The following ZNF485 variants were observed in gnomAD, a reference collection of about 807,000 sequenced individuals.
ZNF485 encodes zinc finger protein 485, also known as Zinc finger protein 93 (Zinc finger protein HTF34).
In ZNF485, 9 loss-of-function variants were observed where a neutral mutation model predicts 10.8. That is an observed-to-expected ratio of 0.83 (90% CI 0.50 to 1.45). ZNF485 has a LOEUF of 1.45. Among genes scored for constraint, ZNF485 ranks in the 40% most tolerant of loss-of-function variants. The probability of loss-of-function intolerance (pLI) is 0.00; values close to 1 mark genes in which losing one functional copy is unlikely to be tolerated. For synonymous variants in ZNF485, 187 were observed against 181.0 expected, an observed-to-expected ratio of 1.03 and a Z score of -0.27; for missense variants, 487 against 528.0, an observed-to-expected ratio of 0.92 and a Z score of 0.76.
intron 2 of ZNF485, 127 bp downstream of exon 2, chr10:43,607,201 C>G: frequency 1.9e-6 from 2 of 1,069,584 alleles, no homozygotes; most frequent in East Asian, 2.6e-5. Context: ...TGGATGGGTC[C>G]CGCGATTTCC....
rs745713092 is a variant in ZNF485 at position 43,616,567 on chromosome 10, A to G, written c.524A>G (p.Asn175Ser). The G allele has an allele frequency of 6.2e-7, 1 of 1,614,252 alleles. No individual in the cohort carries two copies. The highest frequency in any genetic ancestry group is 1.1e-5 in the South Asian group (1 of 91,084). ...IAFMNSSSLL[N>S]HHKVHAGKQP... ...TTTATGAACAGTTCATCCCTTTTAA[A>G]TCACCATAAGGTTCATGCAGGCAAA... Residue 175 changes from asparagine to serine, a missense_variant, in exon 5 of 5, where the codon AAT (asparagine) becomes AGT (serine). Physicochemically the swap from Asn to Ser is conservative, Grantham distance 46. Coordinates refer to ENST00000361807, the MANE Select transcript of ZNF485 (RefSeq NM_145312.4).
At chr10:43,612,510 G>A (rs1838785475) in intron 4 of ZNF485, among the ~76,000 whole-genome samples, 1 of 152,132 alleles carries the variant, frequency 6.6e-6, no homozygotes, top group African/African-American at 2.4e-5. Context: ...GGGAGGAATT[G>A]GGGGTACTTT....
chr10:43,617,119 G>C lies in ZNF485; in HGVS notation c.1076G>C (p.Cys359Ser). 6.2e-7 allele frequency: 1 copy of C among 1,614,216 alleles called. No individual in the cohort carries two copies. Among genetic ancestry groups the C allele is most frequent in the Non-Finnish European group, 8.5e-7 (1 of 1,180,034 alleles). Reference sequence around the variant, plus strand: ...AATAAACCGTATCAGTGTCGTGACTGTGGGAAGGCCTTTACAAAGAGCTCA... The same window carrying C: ...AATAAACCGTATCAGTGTCGTGACTCTGGGAAGGCCTTTACAAAGAGCTCA... Reference protein sequence around the residue: ...SGNKPYQCRDCGKAFTKSSTL... With the variant: ...SGNKPYQCRDSGKAFTKSSTL... The change falls in exon 5 of 5, where the codon TGT becomes TCT. Residue 359 changes from cysteine (C) to serine (S), a missense_variant. Transcript: ENST00000361807.
intron 3 of ZNF485, among the ~76,000 whole-genome samples, 181 bp downstream of exon 3, chr10:43,608,921 C>G (rs757081238): frequency 1.3e-5 from 2 of 152,158 alleles, no homozygotes; most frequent in Non-Finnish European, 2.9e-5. Flanking sequence ...AAGGTCAGAG[C>G]CATACAGAGT....
Position 43,607,083 on chromosome 10 carries a change from G to C in ZNF485, c.24+9G>C. On this transcript the variant is annotated intron_variant, in intron 2 of 4. Coordinates refer to ENST00000361807, the MANE Select transcript of ZNF485 (RefSeq NM_145312.4). Reference sequence around the variant, plus strand: ...CAAGAGCCCAGATCCAGGCAAGTTTGATTTTTCCATTTCTTGAGAAACCAC... The same window carrying C: ...CAAGAGCCCAGATCCAGGCAAGTTTCATTTTTCCATTTCTTGAGAAACCAC... 1 of 1,551,496 alleles carries C rather than the reference G, an allele frequency of 6.4e-7. No homozygotes were observed. Among genetic ancestry groups the C allele is most frequent in the South Asian group, 1.2e-5 (1 of 84,042 alleles).
chr10:43,613,843 A>G (rs187552605), intron 4 of ZNF485, among the ~76,000 whole-genome samples: 3 of 152,238 alleles, frequency 2.0e-5, no homozygotes, highest in Non-Finnish European at 4.4e-5. Flanking sequence ...CAATCTTGTG[A>G]AGTTAGTCAT....
intron 2 of ZNF485, among the ~76,000 whole-genome samples, chr10:43,607,851 T>G (rs1838682561): frequency 6.6e-6 from 1 of 152,214 alleles, no homozygotes; most frequent in Admixed American, 6.5e-5. Context: ...TGTGGCTTCC[T>G]TTTATACTGT....
chr10:43,609,425 C>T, intron 4 of ZNF485, 75 bp downstream of exon 4: 1 of 1,142,868 alleles, frequency 8.7e-7, no homozygotes, highest in South Asian at 1.3e-5. Context: ...GGAAGCTCAT[C>T]TTTGAGTGCC....
At chr10:43,615,383 G>A (rs1311213832) in intron 4 of ZNF485, among the ~76,000 whole-genome samples, 1 of 151,858 alleles carries the variant, frequency 6.6e-6, no homozygotes. Context: ...AATTCACATA[G>A]TACACCCATT....
intron 3 of ZNF485, 114 bp from the exon 4 acceptor site, chr10:43,609,141 A>G: frequency 1.3e-6 from 1 of 784,308 alleles, no homozygotes; most frequent in South Asian, 1.8e-5. Context: ...CTCATTGCAG[A>G]TGCTCAAGTT....
At position 43,617,188 on chromosome 10, in the gene ZNF485, A is replaced by G; in HGVS notation, c.1145A>G (p.Tyr382Cys). 6.2e-7 allele frequency: 1 copy of G among 1,614,212 alleles called. No homozygotes were observed. Among genetic ancestry groups the G allele is most frequent in the Non-Finnish European group, 8.5e-7 (1 of 1,180,026 alleles). The change falls in exon 5 of 5, where the codon TAT becomes TGT. Residue 382 changes from tyrosine to cysteine, a missense_variant. Transcript: ENST00000361807. ...HQRIHTGEKP[Y>C]HCKKCGKAFR... ...AGAATTCATACTGGAGAAAAACCCTATCACTGTAAGAAATGTGGGAAAGCC... is the reference window on the plus strand; with the variant it reads ...AGAATTCATACTGGAGAAAAACCCTGTCACTGTAAGAAATGTGGGAAAGCC...
intron 4 of ZNF485, 37 bp from the exon 5 acceptor site, chr10:43,616,254 C>T: frequency 8.8e-6 from 13 of 1,479,250 alleles, no homozygotes; most frequent in Non-Finnish European, 1.2e-5. Flanking sequence ...AGCATTTCAA[C>T]ATAAAGAACA....
rs369821326 is a variant in ZNF485, at chr10:43,616,539, G to A, written c.496G>A (p.Ala166Thr). Residue 166 changes from alanine (A) to threonine (T), a missense_variant, in exon 5 of 5, where the codon GCC becomes ACC. Physicochemically the swap from Ala to Thr is moderately conservative, Grantham distance 58 (BLOSUM62 0). Coordinates refer to ENST00000361807, the MANE Select transcript of ZNF485 (RefSeq NM_145312.4). ...KPHKCKECGI[A>T]FMNSSSLLNH... ...ACATAAATGTAAAGAATGTGGGATC[G>A]CCTTTATGAACAGTTCATCCCTTTT... is the stretch of plus-strand genomic sequence containing the variant. 8.9e-5 allele frequency: 143 copies of A among 1,614,158 alleles called. No individual in the cohort carries two copies. Among genetic ancestry groups the A allele is most frequent in the African/African-American group, 1.1e-4 (8 of 75,042 alleles).
At chr10:43,608,476 A>G (rs1838698282) in intron 2 of ZNF485, 138 bp from the exon 3 acceptor site, 2 of 1,133,334 alleles carry the variant, frequency 1.8e-6, no homozygotes, top group East Asian at 5.2e-5. Context: ...ACATCCCCTG[A>G]GCCCTCAGCT....
rs558830457 is a variant in ZNF485 at position 43,610,733 on chromosome 10, T to G, written c.247+1383T>G. Among the ~76,000 whole-genome samples the G allele has an allele frequency of 1.1e-3, 169 of 152,328 alleles. 1 individual carries two copies. Among genetic ancestry groups the G allele is most frequent in the African/African-American group, 3.1e-3 (128 of 41,562 alleles). On this transcript the variant is annotated intron_variant, in intron 4 of 4. Coordinates refer to ENST00000361807, the MANE Select transcript of ZNF485 (RefSeq NM_145312.4). ...ACCAGTCAGTATTTTATGTTTTTTT[T>G]TGTGTGTGTATATTTCCCTTTCTGT...
Position 43,615,907 on chromosome 10 carries a change from C to A in ZNF485, c.248-384C>A, listed in dbSNP as rs1051264456. 3.9e-5 allele frequency among the ~76,000 whole-genome samples: 6 copies of A among 152,210 alleles called. 1 individual carries two copies. Among genetic ancestry groups the A allele is most frequent in the Non-Finnish European group, 7.3e-5 (5 of 68,042 alleles). Reference sequence around the variant, plus strand: ...ATAATGTTCTCAAATATACCACCTGCAGAAATCTGCCCTAGTAGTAATTAT... The same window carrying A: ...ATAATGTTCTCAAATATACCACCTGAAGAAATCTGCCCTAGTAGTAATTAT... On this transcript the variant is annotated intron_variant, in intron 4 of 4. Transcript: ENST00000361807.
chr10:43,612,172 C>T (rs1838780029), intron 4 of ZNF485, among the ~76,000 whole-genome samples: 1 of 152,076 alleles, frequency 6.6e-6, no homozygotes, highest in Non-Finnish European at 1.5e-5. Flanking sequence ...CTGTCTTTTC[C>T]ATTTTGATCT....
Position 43,617,184 on chromosome 10 carries a change from C to A in ZNF485, c.1141C>A (p.Pro381Thr). 1 of 1,614,196 alleles carries A rather than the reference C, an allele frequency of 6.2e-7. No individual in the cohort carries two copies. Among genetic ancestry groups the A allele is most frequent in the Non-Finnish European group, 8.5e-7 (1 of 1,180,044 alleles). The change falls in exon 5 of 5, where the codon CCC becomes ACC. Residue 381 changes from proline (P) to threonine (T), a missense_variant. Physicochemically the swap from Pro to Thr is conservative, Grantham distance 38 (BLOSUM62 -1). Transcript: ENST00000361807. ...GHQRIHTGEK[P>T]YHCKKCGKAF... ...TCAGAGAATTCATACTGGAGAAAAA[C>A]CCTATCACTGTAAGAAATGTGGGAA...
chr10:43,609,797 TGAGTAGGA>T (rs1838733953), intron 4 of ZNF485, among the ~76,000 whole-genome samples: 2 of 152,128 alleles, frequency 1.3e-5, no homozygotes, highest in African/African-American at 4.8e-5. Context: ...CTCAGGCCCC[TGAGTAGGA>T]GTAGCTGGGA....
Sources: allele counts gnomAD v4.1 joint callset (sites outside exome capture counted in the v4.1 genomes callset), GRCh38; gene constraint gnomAD v4.1.1; transcripts MANE v1.5; gene names NCBI Gene and HGNC (gene_info 2026-07-23, HGNC 2026-07-21).